Variants in ASF1B observed in about 807,000 individuals in gnomAD.
ASF1B encodes histone chaperone ASF1B.
In ASF1B, 10 loss-of-function variants were observed where a neutral mutation model predicts 16.6. The ratio of observed to expected loss-of-function variants is 0.60; its 90% confidence interval spans 0.37 to 1.02. The LOEUF (loss-of-function observed/expected upper bound fraction) is 1.02, where lower values mean the gene tolerates loss of function less well. ASF1B is among the 50% of genes least tolerant of loss of function. ASF1B has a pLI of 0.01. For missense variants in ASF1B, 240 were observed against 266.0 expected (o/e 0.90, Z 0.68); for synonymous variants, 101 against 106.2 (o/e 0.95, Z 0.30).
intron 3 of ASF1B, chr19:14,121,296 T>TTTTC: frequency 5.0e-6 from 2 of 403,842 alleles, no homozygotes; most frequent in Admixed American, 4.3e-5. Context: ...TTTTTTTTTT[T>TTTTC]GCGGGGGTTA....
chr19:14,133,826 C>T (rs1382267971), intron 1 of ASF1B, among the ~76,000 whole-genome samples: 7 of 91,816 alleles, frequency 7.6e-5, no homozygotes, highest in Non-Finnish European at 1.2e-4. Flanking sequence ...TTTTTTGAGA[C>T]GGAGTCTCGC....
intron 1 of ASF1B, among the ~76,000 whole-genome samples, chr19:14,134,694 T>C (rs766402760): frequency 6.6e-6 from 1 of 152,210 alleles, no homozygotes; most frequent in Non-Finnish European, 1.5e-5. Flanking sequence ...TTGTGGCTCC[T>C]GTCTTCTCAT....
intron 1 of ASF1B, among the ~76,000 whole-genome samples, chr19:14,128,945 G>A (rs73509739): frequency 0.053 from 8,076 of 152,198 alleles, 713 homozygotes; most frequent in African/African-American, 0.18. Context: ...TCCTGGGAAG[G>A]TAGACAAAAA....
intron 1 of ASF1B, among the ~76,000 whole-genome samples, chr19:14,127,853 G>A (rs1018106422): frequency 6.0e-4 from 92 of 152,290 alleles, no homozygotes; most frequent in African/African-American, 1.9e-3. Flanking sequence ...GGCCAGGTTG[G>A]TCTCGAACTC....
chr19:14,131,537 C>T (rs900753331), intron 1 of ASF1B, among the ~76,000 whole-genome samples: 5 of 145,882 alleles, frequency 3.4e-5, no homozygotes, highest in Non-Finnish European at 1.5e-5. Context: ...GGTTGGGGTG[C>T]AGTGGTGCAA....
chr19:14,135,221 CA>C (rs34683519), intron 1 of ASF1B, among the ~76,000 whole-genome samples: 6,310 of 54,808 alleles, frequency 0.12, 90 homozygotes, highest in Non-Finnish European at 0.17. Flanking sequence ...GAGACTGTCT[CA>C]AAAAAAAAAA....
Position 14,130,810 on chromosome 19 carries a change from T to TATATAA in ASF1B, c.110-4574_110-4573insTTATAT, listed in dbSNP as rs74181858. On this transcript the variant is annotated intron_variant, in intron 1 of 3. Transcript: ENST00000263382. ...GTGTATATATATATATATATATATATAAATGATAAGACTAAAGACATGTAC... is the reference window on the plus strand; with the variant it reads ...GTGTATATATATATATATATATATATATATAAAAATGATAAGACTAAAGACATGTAC... 5.9e-3 allele frequency among the ~76,000 whole-genome samples: 891 copies of TATATAA among 150,382 alleles called. 9 individuals are homozygous for TATATAA. Among genetic ancestry groups the TATATAA allele is most frequent in the African/African-American group, 0.02 (820 of 40,962 alleles).
At chr19:14,125,401 AC>A (rs1967302983) in intron 2 of ASF1B, among the ~76,000 whole-genome samples, 2 of 152,244 alleles carry the variant, frequency 1.3e-5, no homozygotes, top group African/African-American at 4.8e-5. Context: ...GTTCGCGGCA[AC>A]TTTATAGAAC....
At chr19:14,126,270 A>G (rs766218422) in intron 1 of ASF1B, 33 bp from the exon 2 acceptor site, 1 of 1,499,142 alleles carries the variant, frequency 6.7e-7, no homozygotes, top group Non-Finnish European at 9.2e-7. Flanking sequence ...ACTAATTGAA[A>G]TAGCTCAACA....
chr19:14,123,592 A>G (rs1452796376), intron 2 of ASF1B, among the ~76,000 whole-genome samples: 1 of 151,758 alleles, frequency 6.6e-6, no homozygotes, highest in Non-Finnish European at 1.5e-5. Flanking sequence ...ATGTTAGCCA[A>G]GATGGTCTCA....
At position 14,120,808 on chromosome 19, in the gene ASF1B, CTTATTTATTTAT is replaced by C. The variant is rs547008412; in HGVS notation, c.403-155_403-144del. 4.7e-5 allele frequency: 31 copies of C among 653,038 alleles called. No individual in the cohort carries two copies. In the Admixed American group the frequency reaches 7.9e-4, roughly 17 times the overall value. 40.5% of individuals were successfully genotyped at this position (653,038 alleles called of 1,614,324 possible). A position where few individuals can be genotyped will look rare whatever the true frequency, so the allele number is the denominator to read the frequency against. ...TCCAGAAAACACCTGTGGCCAGGAC[CTTATTTATTTAT>C]TTATTTATTTATTTTTTGAGACGGA... On this transcript the variant is annotated intron_variant, in intron 3 of 3. Transcript: ENST00000263382.
At chr19:14,124,942 G>A (rs554363593) in intron 2 of ASF1B, among the ~76,000 whole-genome samples, 20 of 152,220 alleles carry the variant, frequency 1.3e-4, no homozygotes, top group African/African-American at 4.6e-4. Flanking sequence ...CAACATAAAT[G>A]AACCACTGTA....
At chr19:14,121,021 A>G (rs1002333243) in intron 3 of ASF1B, among the ~76,000 whole-genome samples, 2 of 151,842 alleles carry the variant, frequency 1.3e-5, no homozygotes, top group South Asian at 2.1e-4. Context: ...GGCTTTCACC[A>G]TGTTGGCCAG....
At chr19:14,128,988 G>C (rs1967358306) in intron 1 of ASF1B, among the ~76,000 whole-genome samples, 1 of 152,328 alleles carries the variant, frequency 6.6e-6, no homozygotes, top group East Asian at 1.9e-4. Flanking sequence ...ACCTGATGTT[G>C]TCCAGCTGAG....
chr19:14,121,933 T>C (rs1405263146), intron 2 of ASF1B, among the ~76,000 whole-genome samples: 1 of 151,860 alleles, frequency 6.6e-6, no homozygotes, highest in Non-Finnish European at 1.5e-5. Context: ...CTTTTTTTTT[T>C]TTTTGGTATT....
At chr19:14,125,804 C>T (rs1177216404) in intron 2 of ASF1B, among the ~76,000 whole-genome samples, 3 of 152,198 alleles carry the variant, frequency 2.0e-5, no homozygotes, top group Admixed American at 6.5e-5. Flanking sequence ...CCTCCCACCT[C>T]GGCCTCCCAA....
At position 14,119,582 on chromosome 19, in the gene ASF1B, C is replaced by G. The variant is rs930352843; in HGVS notation, c.*877G>C. Reference sequence around the variant, plus strand: ...TAAAAACATTTTGATAATATACAAACAGCAATCACAACAGCATCCACATGG... The same window carrying G: ...TAAAAACATTTTGATAATATACAAAGAGCAATCACAACAGCATCCACATGG... On this transcript the variant is annotated 3_prime_UTR_variant, in exon 4 of 4. Transcript: ENST00000263382. 1.3e-5 allele frequency: 2 copies of G among 152,672 alleles called. No individual in the cohort carries two copies. Among genetic ancestry groups the G allele is most frequent in the Admixed American group, 6.5e-5 (1 of 15,278 alleles). The allele number at this position is 152,672 out of a possible 1,614,324, so 9.5% of individuals were successfully genotyped here.
chr19:14,120,443 C>G lies in ASF1B; in HGVS notation c.*16G>C, dbSNP rs375618333. 748 of 1,611,890 alleles carry G rather than the reference C, an allele frequency of 4.6e-4. No individual in the cohort carries two copies. The highest frequency in any genetic ancestry group is 5.9e-4 in the Non-Finnish European group (697 of 1,179,122). ...TTGCCCCTCCCGGCGTGCTGGGACA[C>G]TCTGGGTTCCTGCAGTTAGATGCAG... On this transcript the variant is annotated 3_prime_UTR_variant, in exon 4 of 4. Coordinates refer to ENST00000263382, the MANE Select transcript of ASF1B (RefSeq NM_018154.3).
In ASF1B at chr19:14,120,241, T is replaced by C. The variant is rs1967212482; in HGVS notation, c.*218A>G. On this transcript the variant is annotated 3_prime_UTR_variant, in exon 4 of 4. Transcript: ENST00000263382. ...AAGAACACAAGTCAGAATTTAGAAC[T>C]GAAGTACCTGCTTCTTATAGGCCTG... 2 of 535,558 alleles carry C rather than the reference T, an allele frequency of 3.7e-6. No individual in the cohort carries two copies. Among genetic ancestry groups the C allele is most frequent in the Admixed American group, 3.8e-5 (1 of 26,654 alleles). 33.2% of individuals were successfully genotyped at this position (535,558 alleles called of 1,614,324 possible).
Sources: gnomAD v4.1 joint callset for allele counts (sites outside exome capture counted in the v4.1 genomes callset) on GRCh38, gnomAD v4.1.1 for gene constraint, MANE v1.5 for transcripts, NCBI Gene and HGNC (gene_info 2026-07-23, HGNC 2026-07-21) for gene names.